YEATS2: variants seen among roughly 807,000 people sequenced by gnomAD.
YEATS2 encodes the protein YEATS domain-containing protein 2.
A neutral mutation model predicts 163.2 loss-of-function variants in YEATS2; 77 were observed. That is an observed-to-expected ratio of 0.47 (90% CI 0.39 to 0.57). YEATS2 has a LOEUF of 0.57. Ranked by LOEUF, YEATS2 falls within the 20% of genes least tolerant of loss-of-function variation. The pLI is 0.00. For missense variants in YEATS2, 1,549 were observed against 1,729.8 expected, an observed-to-expected ratio of 0.90 and a Z score of 1.85; for synonymous variants, 631 against 645.1, an observed-to-expected ratio of 0.98 and a Z score of 0.33.
intron 6 of YEATS2, 127 bp from the exon 7 acceptor site, chr3:183,728,563 T>C: frequency 1.2e-6 from 1 of 813,810 alleles, no homozygotes; most frequent in Non-Finnish European, 1.8e-6. Flanking sequence ...TTTGCTTGTT[T>C]AGGTGATGTA....
intron 23 of YEATS2, among the ~76,000 whole-genome samples, chr3:183,799,446 C>T (rs942134692): frequency 6.6e-6 from 1 of 152,060 alleles, no homozygotes; most frequent in African/African-American, 2.4e-5. Flanking sequence ...AGGGGTAGGC[C>T]AGATTAAGGG....
intron 20 of YEATS2, among the ~76,000 whole-genome samples, chr3:183,787,260 C>T (rs1409875854): frequency 6.6e-6 from 1 of 152,086 alleles, no homozygotes; most frequent in African/African-American, 2.4e-5. Flanking sequence ...CCTGTGATAA[C>T]TCCTTTTAAC....
intron 7 of YEATS2, 29 bp from the exon 8 acceptor site, chr3:183,736,689 T>C (rs1188209534): frequency 1.3e-6 from 2 of 1,577,704 alleles, no homozygotes; most frequent in Non-Finnish European, 1.7e-6. Flanking sequence ...TGAACATGGA[T>C]GAACGTGTTA....
chr3:183,732,660 C>T (rs1158110260), intron 7 of YEATS2, among the ~76,000 whole-genome samples: 2 of 151,524 alleles, frequency 1.3e-5, no homozygotes, highest in African/African-American at 4.8e-5. Flanking sequence ...CCCGGGTTCA[C>T]GCCGTTCTCC....
chr3:183,742,356 A>G (rs1719064103), intron 8 of YEATS2, among the ~76,000 whole-genome samples: 1 of 152,256 alleles, frequency 6.6e-6, no homozygotes, highest in South Asian at 2.1e-4. Flanking sequence ...CATTGAGAAC[A>G]TTTGTGATTC....
intron 20 of YEATS2, among the ~76,000 whole-genome samples, chr3:183,787,146 G>A (rs1279419222): frequency 1.3e-5 from 2 of 152,048 alleles, no homozygotes; most frequent in African/African-American, 2.4e-5. Context: ...GTAGAGATGG[G>A]GTTTCACCAT....
chr3:183,759,134 A>G (rs942113218), intron 13 of YEATS2, among the ~76,000 whole-genome samples, 169 bp downstream of exon 13: 1 of 152,252 alleles, frequency 6.6e-6, no homozygotes, highest in Non-Finnish European at 1.5e-5. Context: ...GGTTACAGGC[A>G]TGAGCTGCAC....
At chr3:183,748,452 A>G (rs1423837649) in intron 9 of YEATS2, among the ~76,000 whole-genome samples, 8 of 151,836 alleles carry the variant, frequency 5.3e-5, no homozygotes, top group Non-Finnish European at 8.8e-5. Flanking sequence ...GGGTTTCACT[A>G]TGTTGGTCAG....
intron 8 of YEATS2, 88 bp downstream of exon 8, chr3:183,736,917 C>T: frequency 8.6e-7 from 1 of 1,160,988 alleles, no homozygotes. Context: ...GTTAAGGACC[C>T]CCTCGCATTA....
chr3:183,809,323 C>A, intron 30 of YEATS2, 153 bp downstream of exon 30: 1 of 719,468 alleles, frequency 1.4e-6, no homozygotes, highest in East Asian at 2.6e-5. Flanking sequence ...CAAGGGTCTG[C>A]TTTGTCATTT....
chr3:183,719,700 A>T (rs749297823), intron 4 of YEATS2, among the ~76,000 whole-genome samples: 27 of 151,730 alleles, frequency 1.8e-4, no homozygotes, highest in Non-Finnish European at 3.7e-4. Context: ...GAGACATGGT[A>T]TGTGGCCAGG....
At position 183,736,810 on chromosome 3, in the gene YEATS2, A is replaced by G; in HGVS notation, c.905A>G (p.Asp302Gly). The G allele has an allele frequency of 1.2e-6, 2 of 1,613,356 alleles. No homozygotes were observed. The highest frequency in any genetic ancestry group is 1.7e-6 in the Non-Finnish European group (2 of 1,179,662). The change falls in exon 8 of 31, where the codon GAT becomes GGT. Residue 302 changes from aspartate to glycine, a missense_variant. By Grantham distance (94) the Asp-to-Gly change is moderately conservative. Transcript: ENST00000305135. ...HFKDSQNKRIDIIHNLKLDRT... is the reference protein window; with the variant it reads ...HFKDSQNKRIGIIHNLKLDRT... ...AAGGACAGCCAGAACAAGCGGATAG[A>G]TATCATACATAATCTGAAGGTATTG...
chr3:183,793,031 A>G (rs1724805767), intron 21 of YEATS2: 1 of 896,088 alleles, frequency 1.1e-6, no homozygotes, highest in Non-Finnish European at 1.6e-6. Flanking sequence ...TCTGGTATAG[A>G]CAGATACTTC....
chr3:183,745,869 T>C (rs1252462782), intron 8 of YEATS2, among the ~76,000 whole-genome samples: 2 of 152,154 alleles, frequency 1.3e-5, no homozygotes, highest in Admixed American at 6.5e-5. Flanking sequence ...TCTCGCTTTG[T>C]CACCCATGCT....
intron 21 of YEATS2, among the ~76,000 whole-genome samples, chr3:183,792,392 G>A (rs989881441): frequency 2.0e-5 from 3 of 152,110 alleles, no homozygotes; most frequent in East Asian, 1.9e-4. Flanking sequence ...GAGAACATGC[G>A]GTGTGTGGTT....
intron 21 of YEATS2, among the ~76,000 whole-genome samples, chr3:183,794,750 A>G (rs1461389170): frequency 1.3e-5 from 2 of 152,190 alleles, no homozygotes; most frequent in African/African-American, 4.8e-5. Context: ...TTGTAAGGGA[A>G]CATCTGTATA....
chr3:183,803,211 A>T, intron 25 of YEATS2, 45 bp from the exon 26 acceptor site: 1 of 1,594,320 alleles, frequency 6.3e-7, no homozygotes, highest in Non-Finnish European at 8.6e-7. Flanking sequence ...TGTGGTTGGA[A>T]TCGTAAGAGC....
chr3:183,734,337 G>A (rs262982), intron 7 of YEATS2, among the ~76,000 whole-genome samples: 65,855 of 152,010 alleles, frequency 0.43, 14,651 homozygotes, highest in East Asian at 0.65. Flanking sequence ...TTCTGGTTCC[G>A]TTGCTTATTT....
chr3:183,709,838 C>T (rs1560218214), intron 1 of YEATS2, among the ~76,000 whole-genome samples: 1 of 151,822 alleles, frequency 6.6e-6, no homozygotes, highest in Non-Finnish European at 1.5e-5. Context: ...CCACCACGCC[C>T]GGCTAATTTT....
Sources: gnomAD v4.1 joint callset for allele counts (sites outside exome capture counted in the v4.1 genomes callset) on GRCh38, gnomAD v4.1.1 for gene constraint, MANE v1.5 for transcripts, NCBI Gene and HGNC (gene_info 2026-07-23, HGNC 2026-07-21) for gene names.